Variants in CDH7 observed in about 807,000 individuals in gnomAD.
CDH7 encodes cadherin 7.
Under a neutral mutation model 71.8 loss-of-function variants are expected in CDH7, and 25 were observed. The observed-to-expected ratio is 0.35, with a 90% CI of 0.25 to 0.49. The LOEUF (loss-of-function observed/expected upper bound fraction) is 0.49, where lower values mean the gene tolerates loss of function less well. Ranked by LOEUF, CDH7 falls within the 20% of genes least tolerant of loss-of-function variation. The probability of loss-of-function intolerance (pLI) is 0.99; values close to 1 mark genes in which losing one functional copy is unlikely to be tolerated. For synonymous variants in CDH7, 381 were observed against 363.8 expected (o/e 1.05, Z -0.54); for missense variants, 862 against 974.6 (o/e 0.88, Z 1.54).
At chr18:65,838,600 A>G (rs1912617165) in intron 6 of CDH7, among the ~76,000 whole-genome samples, 1 of 152,224 alleles carries the variant, frequency 6.6e-6, no homozygotes, top group Admixed American at 6.5e-5. Flanking sequence ...AAACATTAAC[A>G]ACATTGTTGG....
In CDH7 at chr18:65,781,720, A is replaced by C. The variant is rs146102772; in HGVS notation, c.210+18668A>C. 2.4e-3 allele frequency among the ~76,000 whole-genome samples: 366 copies of C among 151,922 alleles called. 1 individual carries two copies. Among genetic ancestry groups the C allele is most frequent in the African/African-American group, 8.4e-3 (348 of 41,398 alleles). On this transcript the variant is annotated intron_variant, in intron 2 of 11. Transcript: ENST00000397968. The stretch of plus-strand genomic sequence containing the variant: ...TTAAGAGGAGAACTACAAATAGAGC[A>C]AACAACCTTTCTAGCTACCCTATTG...
At chr18:65,808,003 C>T (rs1248988292) in intron 2 of CDH7, among the ~76,000 whole-genome samples, 2 of 152,158 alleles carry the variant, frequency 1.3e-5, no homozygotes, top group East Asian at 3.9e-4. Flanking sequence ...TTTAGACCAG[C>T]CTGCCAGCTT....
At chr18:65,779,072 TTG>T (rs1170885063) in intron 2 of CDH7, among the ~76,000 whole-genome samples, 1 of 65,210 alleles carries the variant, frequency 1.5e-5, no homozygotes, top group South Asian at 6.5e-4. Context: ...AAATCACTGT[TTG>T]TTTGTTTGTT....
In CDH7 at chr18:65,882,431, G is replaced by T. The variant is rs1314781668; in HGVS notation, c.*1537G>T. 1 of 152,028 alleles carries T rather than the reference G, an allele frequency of 6.6e-6. No homozygotes were observed. Among genetic ancestry groups the T allele is most frequent in the Non-Finnish European group, 1.5e-5 (1 of 67,954 alleles). The allele number at this position is 152,028 out of a possible 1,614,324, so 9.4% of individuals were successfully genotyped here. A position where few individuals can be genotyped will look rare whatever the true frequency, so the allele number is the denominator to read the frequency against. On this transcript the variant is annotated 3_prime_UTR_variant, in exon 12 of 12. Transcript: ENST00000397968. ...TTGTTGGGTTCCTAATACATTTACA[G>T]ATAGTAAACACTGTGTAGAGAATCA...
Position 65,880,847 on chromosome 18 carries a change from C to G in CDH7, c.2311C>G (p.Arg771Gly), listed in dbSNP as rs1454134664. ...AAGTGACTGGGGACCTCGCTTTAAACGACTCGCGGACATGTATGGGACTGG... is the reference window on the plus strand; with the variant it reads ...AAGTGACTGGGGACCTCGCTTTAAAGGACTCGCGGACATGTATGGGACTGG... ...YLSDWGPRFKRLADMYGTGQE... is the reference protein window; with the variant it reads ...YLSDWGPRFKGLADMYGTGQE... The change falls in exon 12 of 12, where the codon CGA becomes GGA. Residue 771 changes from arginine (R) to glycine (G), a missense_variant. Transcript: ENST00000397968. 2 of 1,614,034 alleles carry G rather than the reference C, an allele frequency of 1.2e-6. No homozygotes were observed. The highest frequency in any genetic ancestry group is 1.7e-4 in the Middle Eastern group (1 of 6,060).
chr18:65,761,813 C>A (rs12956148), intron 1 of CDH7, among the ~76,000 whole-genome samples: 57,161 of 152,002 alleles, frequency 0.38, 11,439 homozygotes, highest in African/African-American at 0.51. Context: ...TCTGCTAAAG[C>A]ACCTCCTGGA....
Position 65,880,552 on chromosome 18 carries a change from A to T in CDH7, c.2016A>T (p.Arg672Ser). Residue 672 changes from arginine to serine, a missense_variant, in exon 12 of 12, where the codon AGA becomes AGT. Physicochemically the swap from Arg to Ser is moderately radical, Grantham distance 110 (BLOSUM62 -1). Coordinates refer to ENST00000397968, the MANE Select transcript of CDH7 (RefSeq NM_004361.5). ...AAGCGTTTGACATGGCTGCACTGAG[A>T]AACCTCAACGTCATCCGAGACACCA... is the stretch of plus-strand genomic sequence containing the variant. ...DTEAFDMAAL[R>S]NLNVIRDTKT... 6.2e-7 allele frequency: 1 copy of T among 1,613,926 alleles called. No individual in the cohort carries two copies. Among genetic ancestry groups the T allele is most frequent in the Non-Finnish European group, 8.5e-7 (1 of 1,179,958 alleles).
intron 7 of CDH7, among the ~76,000 whole-genome samples, chr18:65,845,842 G>A (rs1912916042): frequency 6.6e-6 from 1 of 151,968 alleles, no homozygotes; most frequent in Non-Finnish European, 1.5e-5. Context: ...AGGATCACTT[G>A]AGACCAGGAG....
intron 2 of CDH7, among the ~76,000 whole-genome samples, chr18:65,763,595 GT>G (rs1296425622): frequency 1.3e-4 from 5 of 39,980 alleles, no homozygotes; most frequent in Non-Finnish European, 2.3e-4. Flanking sequence ...TGATAGGGGG[GT>G]GTGTGTGTGT....
chr18:65,774,485 G>T (rs567967925), intron 2 of CDH7, among the ~76,000 whole-genome samples: 10 of 151,558 alleles, frequency 6.6e-5, no homozygotes, highest in Admixed American at 4.6e-4. Context: ...AAATTAAAAC[G>T]ACCTTTTTCA....
chr18:65,832,112 G>A (rs1912371481), intron 6 of CDH7, among the ~76,000 whole-genome samples: 1 of 152,072 alleles, frequency 6.6e-6, no homozygotes, highest in African/African-American at 2.4e-5. Flanking sequence ...ATTGTAATGA[G>A]ATTATTTTCT....
In CDH7 at chr18:65,880,923, A is replaced by G. The variant is rs1383590624; in HGVS notation, c.*29A>G. 1 of 1,541,074 alleles carries G rather than the reference A, an allele frequency of 6.5e-7. No individual in the cohort carries two copies. The highest frequency in any genetic ancestry group is 8.7e-7 in the Non-Finnish European group (1 of 1,147,112). On this transcript the variant is annotated 3_prime_UTR_variant, in exon 12 of 12. Coordinates refer to ENST00000397968, the MANE Select transcript of CDH7 (RefSeq NM_004361.5). Reference sequence around the variant, plus strand: ...TGGAACCTTAATTCGAAATGTACTGAAGAAAAAGTAACAGCAAAAAATAAA... The same window carrying G: ...TGGAACCTTAATTCGAAATGTACTGGAGAAAAAGTAACAGCAAAAAATAAA...
At chr18:65,808,864 C>T (rs565833846) in intron 2 of CDH7, among the ~76,000 whole-genome samples, 16 of 152,122 alleles carry the variant, frequency 1.1e-4, no homozygotes, top group African/African-American at 3.6e-4. Context: ...TTGAGTAGCG[C>T]GTTTGTCAGG....
rs1914390993 is a variant in CDH7 at position 65,887,092 on chromosome 18, A to G, written c.*6198A>G. 1 of 152,146 alleles carries G rather than the reference A, an allele frequency of 6.6e-6. No homozygotes were observed. The highest frequency in any genetic ancestry group is 2.1e-4 in the South Asian group (1 of 4,836). 9.4% of individuals were successfully genotyped at this position (152,146 alleles called of 1,614,324 possible). On this transcript the variant is annotated 3_prime_UTR_variant, in exon 12 of 12. Transcript: ENST00000397968. ...AAAAACAAACTTGCATTTTCATTTTATTAATGAATATAATGATGTTAATGG... is the reference window on the plus strand; with the variant it reads ...AAAAACAAACTTGCATTTTCATTTTGTTAATGAATATAATGATGTTAATGG...
chr18:65,866,557 A>C (rs910635640), intron 11 of CDH7, among the ~76,000 whole-genome samples: 1 of 152,156 alleles, frequency 6.6e-6, no homozygotes, highest in Non-Finnish European at 1.5e-5. Flanking sequence ...GGAAAACTTG[A>C]GGTGTAGGGT....
intron 8 of CDH7, 100 bp downstream of exon 8, chr18:65,858,052 C>T: frequency 1.8e-6 from 2 of 1,140,214 alleles, no homozygotes; most frequent in Non-Finnish European, 2.5e-6. Flanking sequence ...GTAGTTCCTT[C>T]TTTGAATTGT....
chr18:65,824,614 C>T (rs771450864), intron 5 of CDH7, 30 bp from the exon 6 acceptor site: 178 of 1,453,238 alleles, frequency 1.2e-4, no homozygotes, highest in Non-Finnish European at 1.5e-4. Flanking sequence ...TTTGGTGTAA[C>T]GTGTTCATTT....
chr18:65,830,113 A>G (rs1250462676), intron 6 of CDH7, among the ~76,000 whole-genome samples: 3 of 152,180 alleles, frequency 2.0e-5, no homozygotes, highest in Non-Finnish European at 2.9e-5. Context: ...CAGAGACTTC[A>G]CTTATGAGAT....
intron 4 of CDH7, among the ~76,000 whole-genome samples, chr18:65,821,762 G>T (rs1911938168): frequency 6.6e-6 from 1 of 152,124 alleles, no homozygotes; most frequent in Non-Finnish European, 1.5e-5. Context: ...TTGTACAGGT[G>T]ACTGTCCATT....
Sources: gnomAD v4.1 joint callset for allele counts (sites outside exome capture counted in the v4.1 genomes callset) on GRCh38, gnomAD v4.1.1 for gene constraint, MANE v1.5 for transcripts, NCBI Gene and HGNC (gene_info 2026-07-23, HGNC 2026-07-21) for gene names.